The following NME7 variants were observed in gnomAD, a reference collection of about 807,000 sequenced individuals.
The protein encoded by NME7 is NME/NM23 family member 7, also known as nucleoside diphosphate kinase 7.
NME7 carries 41 observed loss-of-function variants against 49.1 expected under a neutral mutation model. The ratio of observed to expected loss-of-function variants is 0.83; its 90% CI spans 0.65 to 1.08. The LOEUF is 1.08. NME7 is among the 50% of genes least tolerant of loss of function. The pLI is 0.00. For missense variants in NME7, 423 were observed against 463.4 expected (o/e 0.91, Z 0.80); for synonymous variants, 139 against 150.6 (o/e 0.92, Z 0.56).
chr1:169,266,871 C>A (rs1256901851), intron 7 of NME7, among the ~76,000 whole-genome samples: 1 of 132,168 alleles, frequency 7.6e-6, no homozygotes, highest in African/African-American at 2.6e-5. Flanking sequence ...AGTTCGAGAC[C>A]AGCCTGGCCA....
chr1:169,133,150 A>AAATT (rs1429755890), intron 11 of NME7, among the ~76,000 whole-genome samples: 5 of 152,220 alleles, frequency 3.3e-5, no homozygotes, highest in Non-Finnish European at 7.3e-5. Context: ...GTGGTTCAGT[A>AAATT]AATTAAGGTT....
chr1:169,135,014 CAAAAA>C (rs58463903), intron 11 of NME7, among the ~76,000 whole-genome samples: 16 of 50,390 alleles, frequency 3.2e-4, no homozygotes, highest in East Asian at 2.7e-3. Flanking sequence ...CCCGTCTCTA[CAAAAA>C]AAAAAAAAAA....
intron 11 of NME7, among the ~76,000 whole-genome samples, chr1:169,158,152 C>A (rs542337875): frequency 6.6e-6 from 1 of 152,122 alleles, no homozygotes; most frequent in African/African-American, 2.4e-5. Flanking sequence ...TACAGTAGTG[C>A]CCCCTTATAA....
intron 11 of NME7, among the ~76,000 whole-genome samples, chr1:169,149,135 GT>G (rs1291298595): frequency 2.0e-5 from 3 of 152,328 alleles, no homozygotes; most frequent in African/African-American, 7.2e-5. Flanking sequence ...GAGGTCAGGA[GT>G]TTGAGACCAG....
intron 10 of NME7, among the ~76,000 whole-genome samples, chr1:169,223,689 C>T (rs903678307): frequency 4.0e-5 from 6 of 151,816 alleles, no homozygotes; most frequent in Non-Finnish European, 5.9e-5. Flanking sequence ...ATCTTCATTT[C>T]GTAGAGTGAA....
intron 7 of NME7, among the ~76,000 whole-genome samples, chr1:169,254,344 T>C (rs1489106616): frequency 6.6e-6 from 1 of 152,050 alleles, no homozygotes; most frequent in Non-Finnish European, 1.5e-5. Context: ...TTCTAGTTTA[T>C]TTGCGTAGAG....
chr1:169,323,265 G>C lies in NME7; in HGVS notation c.130C>G (p.Arg44Gly). The C allele has an allele frequency of 6.3e-7, 1 of 1,597,002 alleles. No individual in the cohort carries two copies. Among genetic ancestry groups the C allele is most frequent in the South Asian group, 1.2e-5 (1 of 86,934 alleles). ...TATTTGGTCCGCTTTAAAAAGGTGC[G>C]ATGATTCTTTACATCATGCTAGAAC... is the stretch of plus-strand genomic sequence containing the variant. ...SVEMHDVKNH[R>G]TFLKRTKYDN... The change falls in exon 3 of 12, where the codon CGC becomes GGC. Residue 44 changes from arginine to glycine, a missense_variant. By Grantham distance (125) the Arg-to-Gly change is moderately radical (BLOSUM62 -2). Coordinates refer to ENST00000367811, the MANE Select transcript of NME7 (RefSeq NM_013330.5).
At chr1:169,223,254 T>C (rs984807093) in intron 10 of NME7, among the ~76,000 whole-genome samples, 2 of 152,178 alleles carry the variant, frequency 1.3e-5, no homozygotes, top group African/African-American at 2.4e-5. Context: ...TATGATTTAA[T>C]TTTCCTCCAA....
At chr1:169,330,407 T>A (rs1571394701) in intron 1 of NME7, among the ~76,000 whole-genome samples, 1 of 152,096 alleles carries the variant, frequency 6.6e-6, no homozygotes. Context: ...TGGCTGGGCG[T>A]GGTGGATCAC....
intron 11 of NME7, among the ~76,000 whole-genome samples, chr1:169,160,532 C>CA (rs747696917): frequency 2.0e-4 from 31 of 151,830 alleles, no homozygotes; most frequent in Non-Finnish European, 3.8e-4. Flanking sequence ...TATAATACTC[C>CA]AAGGGGTCTG....
At chr1:169,156,208 G>C (rs1268796664) in intron 11 of NME7, among the ~76,000 whole-genome samples, 2 of 151,510 alleles carry the variant, frequency 1.3e-5, no homozygotes, top group Non-Finnish European at 2.9e-5. Context: ...AGCTGCTAGG[G>C]AGGCTGAGGA....
intron 7 of NME7, among the ~76,000 whole-genome samples, chr1:169,251,296 C>T (rs1648564946): frequency 6.6e-6 from 1 of 151,952 alleles, no homozygotes; most frequent in Non-Finnish European, 1.5e-5. Context: ...CTACCTACTC[C>T]TGCTCACTTT....
At chr1:169,232,291 AG>A (rs1236023417) in intron 9 of NME7, among the ~76,000 whole-genome samples, 1 of 152,084 alleles carries the variant, frequency 6.6e-6, no homozygotes, top group East Asian at 1.9e-4. Context: ...AGAAAAATGA[AG>A]AAGAAGAAAA....
At chr1:169,247,799 CT>C (rs1396622922) in intron 7 of NME7, among the ~76,000 whole-genome samples, 1 of 152,122 alleles carries the variant, frequency 6.6e-6, no homozygotes, top group African/African-American at 2.4e-5. Flanking sequence ...ATCCAAGTTA[CT>C]GCAAAACACA....
chr1:169,286,009 C>T (rs1180709672), intron 7 of NME7: 2 of 152,000 alleles, frequency 1.3e-5, no homozygotes, highest in African/African-American at 4.8e-5. Context: ...TGAAAACAAC[C>T]TAAGTATCCA....
At chr1:169,237,878 A>C (rs1374218744) in intron 7 of NME7, among the ~76,000 whole-genome samples, 191 bp from the exon 8 acceptor site, 1 of 152,112 alleles carries the variant, frequency 6.6e-6, no homozygotes, top group African/African-American at 2.4e-5. Flanking sequence ...TTTCCTTTGT[A>C]AGTGCTTCAA....
At position 169,192,126 on chromosome 1, in the gene NME7, G is replaced by A. The variant is rs556074842; in HGVS notation, c.991-22572C>T. 3.9e-5 allele frequency among the ~76,000 whole-genome samples: 6 copies of A among 152,274 alleles called. No individual in the cohort carries two copies. The South Asian group carries it at 1.2e-3, about 32-fold the overall frequency. ...CTCTAGTTAGTTCCTAGACTAGGAA[G>A]TAAATATACATAAAAGATAAACTAT... On this transcript the variant is annotated intron_variant, in intron 10 of 11. Transcript: ENST00000367811.
chr1:169,359,209 A>G (rs1329520223), intron 1 of NME7, among the ~76,000 whole-genome samples: 2 of 152,086 alleles, frequency 1.3e-5, no homozygotes, highest in Non-Finnish European at 2.9e-5. Context: ...AACACGTAAT[A>G]CAATGCAAAT....
chr1:169,175,600 A>G (rs1182143006), intron 10 of NME7, among the ~76,000 whole-genome samples: 1 of 152,054 alleles, frequency 6.6e-6, no homozygotes, highest in Non-Finnish European at 1.5e-5. Flanking sequence ...CTCCATTATA[A>G]TCTTATGGGA....
Sources: allele counts gnomAD v4.1 joint callset (sites outside exome capture counted in the v4.1 genomes callset), GRCh38; gene constraint gnomAD v4.1.1; transcripts MANE v1.5; gene names NCBI Gene and HGNC (gene_info 2026-07-23, HGNC 2026-07-21).